KIR2DL1: variants seen among roughly 807,000 people sequenced by gnomAD.
KIR2DL1 encodes killer cell immunoglobulin like receptor, two Ig domains and long cytoplasmic tail 1, also known as killer cell immunoglobulin-like receptor 2DL1.
A neutral mutation model predicts 33.9 loss-of-function variants in KIR2DL1; 38 were observed. The observed-to-expected ratio is 1.12, with a 90% CI of 0.86 to 1.47. KIR2DL1 has a LOEUF of 1.47. Ranked by LOEUF, KIR2DL1 falls within the 40% of genes most tolerant of loss-of-function variation. The probability of loss-of-function intolerance (pLI) is 0.00; values close to 1 mark genes in which losing one functional copy is unlikely to be tolerated. For synonymous variants in KIR2DL1, 179 were observed against 165.9 expected (o/e 1.08, Z -0.61); for missense variants, 531 against 433.9 (o/e 1.22, Z -1.99).
At chr19:54,780,872 T>C (rs199725821) in intron 5 of KIR2DL1, among the ~76,000 whole-genome samples, 2,234 of 82,152 alleles carry the variant, frequency 0.027, 21 homozygotes, top group African/African-American at 0.053. Context: ...ATGAAGAGAC[T>C]TATTATAGCA....
intron 3 of KIR2DL1, among the ~76,000 whole-genome samples, chr19:54,774,370 A>C (rs888114479): frequency 3.4e-5 from 5 of 147,696 alleles, no homozygotes; most frequent in South Asian, 4.3e-4. Context: ...AGAATGATGG[A>C]AGGGAGCAGA....
At chr19:54,772,605 T>C (rs1180218487) in intron 2 of KIR2DL1, among the ~76,000 whole-genome samples, 1 of 145,986 alleles carries the variant, frequency 6.8e-6, no homozygotes, top group Non-Finnish European at 1.5e-5. Context: ...CTTGGGAGGC[T>C]GAGGGCAGGA....
chr19:54,782,876 G>A, intron 5 of KIR2DL1, 46 bp from the exon 6 acceptor site: 4 of 1,584,862 alleles, frequency 2.5e-6, no homozygotes, highest in Non-Finnish European at 3.5e-6. Flanking sequence ...TTCATAAAGA[G>A]GAACTGCTAA....
chr19:54,776,868 A>C (rs2076409990), intron 4 of KIR2DL1, among the ~76,000 whole-genome samples: 1 of 147,440 alleles, frequency 6.8e-6, no homozygotes, highest in African/African-American at 2.5e-5. Flanking sequence ...TCTCAAACTC[A>C]TGACCTCAAC....
intron 4 of KIR2DL1, among the ~76,000 whole-genome samples, chr19:54,778,068 C>G (rs1283972041): frequency 6.8e-6 from 1 of 146,928 alleles, no homozygotes; most frequent in African/African-American, 2.5e-5. Flanking sequence ...CAAGATTAGT[C>G]TGGCCAACGT....
rs113059775 is a variant in KIR2DL1 at position 54,775,044 on chromosome 19, G to A, written c.371-121G>A. On this transcript the variant is annotated intron_variant, in intron 3 of 7. Transcript: ENST00000336077. ...TAGACATGAAGAGCGATGGGGTAGAGGGTGAGAGAGAGAGAGAGAGAGCAT... is the reference window on the plus strand; with the variant it reads ...TAGACATGAAGAGCGATGGGGTAGAAGGTGAGAGAGAGAGAGAGAGAGCAT... 3.5e-3 allele frequency: 4,574 copies of A among 1,308,438 alleles called. 181 individuals carry two copies. In the African/African-American group the frequency reaches 0.063, roughly 18 times the overall value. 81.1% of individuals were successfully genotyped at this position (1,308,438 alleles called of 1,614,324 possible).
intron 6 of KIR2DL1, 114 bp from the exon 7 acceptor site, chr19:54,783,372 G>A (rs1269427517): frequency 2.1e-5 from 24 of 1,170,590 alleles, no homozygotes; most frequent in Non-Finnish European, 3.0e-5. Flanking sequence ...TCTGCTGTTG[G>A]CAACTGAGGG....
rs597681 is a variant in KIR2DL1, at chr19:54,778,656, A to T, written c.709A>T (p.Lys237Ter). 3 of 1,410,552 alleles carry T rather than the reference A, an allele frequency of 2.1e-6. No homozygotes were observed. In the South Asian group the frequency reaches 3.8e-5, roughly 18 times the overall value. 87.4% of individuals were successfully genotyped at this position (1,410,552 alleles called of 1,614,324 possible). Residue 237 changes from lysine (K) to a stop codon, truncating the protein, a stop_gained, in exon 5 of 8, where the codon AAA (lysine) becomes TAA (stop). Transcript: ENST00000336077. LOFTEE classifies it high-confidence loss of function. ...GCCTTCACCCACTGAACCAAGCTCC[A>T]AAACCGGTGAGTACAGAACCCTCTT... ...SWPSPTEPSS[K>*]TGNPRHLHIL...
rs1166670639 is a variant in KIR2DL1 at position 54,784,159 on chromosome 19, C to G, written c.*346C>G. On this transcript the variant is annotated 3_prime_UTR_variant, in exon 8 of 8. Transcript: ENST00000336077. ...CACAATTCCAAACATACAAGAGGCT[C>G]CCTCTTAACGCAGCACTTAGACACG... 8 of 486,384 alleles carry G rather than the reference C, an allele frequency of 1.6e-5. No individual in the cohort carries two copies. The highest frequency in any genetic ancestry group is 5.2e-4 in the Middle Eastern group (1 of 1,936). The allele number at this position is 486,384 out of a possible 1,614,324, so 30.1% of individuals were successfully genotyped here.
Position 54,773,517 on chromosome 19 carries a change from C to A in KIR2DL1, c.255C>A (p.Phe85Leu), listed in dbSNP as rs1185135843. Residue 85 changes from phenylalanine (F) to leucine (L), a missense_variant, in exon 3 of 8, where the codon TTC becomes TTA. Coordinates refer to ENST00000336077, the MANE Select transcript of KIR2DL1 (RefSeq NM_014218.3). Reference protein sequence around the residue: ...EHHDGVSKANFSISRMTQDLA... With the variant: ...EHHDGVSKANLSISRMTQDLA... ...ATGATGGGGTCTCCAAGGCCAACTT[C>A]TCCATCAGTCGCATGACGCAAGACC... The A allele has an allele frequency of 5.0e-6, 8 of 1,584,616 alleles. 1 individual carries two copies. The highest frequency in any genetic ancestry group is 6.1e-6 in the Non-Finnish European group (7 of 1,156,334).
Position 54,784,284 on chromosome 19 carries a change from T to G in KIR2DL1, c.*471T>G, listed in dbSNP as rs1381424962. 2 of 251,170 alleles carry G rather than the reference T, an allele frequency of 8.0e-6. No homozygotes were observed. Among genetic ancestry groups the G allele is most frequent in the Non-Finnish European group, 1.6e-5 (2 of 128,672 alleles). The allele number at this position is 251,170 out of a possible 1,614,324, so 15.6% of individuals were successfully genotyped here. A position where few individuals can be genotyped will look rare whatever the true frequency, so the allele number is the denominator to read the frequency against. On this transcript the variant is annotated 3_prime_UTR_variant, in exon 8 of 8. Transcript: ENST00000336077. ...TATATATTTTTTAAAATAACTTCAA[T>G]GTAGTTTTCCATCCTTCAAATAAAC... is the stretch of plus-strand genomic sequence containing the variant.
At chr19:54,776,581 T>A (rs2076368739) in intron 4 of KIR2DL1, among the ~76,000 whole-genome samples, 1 of 146,278 alleles carries the variant, frequency 6.8e-6, no homozygotes, top group Admixed American at 7.0e-5. Context: ...GTTGATTTAC[T>A]TTCCTTTGGA....
chr19:54,782,247 T>C (rs1289819844), intron 5 of KIR2DL1, among the ~76,000 whole-genome samples: 1 of 151,764 alleles, frequency 6.6e-6, no homozygotes, highest in Non-Finnish European at 1.5e-5. Flanking sequence ...CAGCCCAGGG[T>C]GTTCTGAGAC....
intron 4 of KIR2DL1, among the ~76,000 whole-genome samples, chr19:54,775,853 A>G (rs2076268248): frequency 1.3e-5 from 2 of 148,910 alleles, no homozygotes; most frequent in Non-Finnish European, 3.0e-5. Flanking sequence ...TCTTTGAAGA[A>G]ATATTTATTG....
intron 5 of KIR2DL1, among the ~76,000 whole-genome samples, chr19:54,779,732 C>T (rs2076747768): frequency 6.7e-6 from 1 of 149,366 alleles, no homozygotes; most frequent in African/African-American, 2.4e-5. Context: ...TGGGGTGGGA[C>T]AGCATTCTCC....
chr19:54,783,370 T>A, intron 6 of KIR2DL1, 116 bp from the exon 7 acceptor site: 1 of 1,130,850 alleles, frequency 8.8e-7, no homozygotes, highest in Admixed American at 2.1e-5. Flanking sequence ...AGTCTGCTGT[T>A]GGCAACTGAG....
At position 54,777,237 on chromosome 19, in the gene KIR2DL1, C is replaced by T. The variant is rs1256684544; in HGVS notation, c.665-1375C>T. On this transcript the variant is annotated intron_variant, in intron 4 of 7. Transcript: ENST00000336077. ...TCCCGAGTAGCTGGAATTACAGGCA[C>T]ACGCCACCACGCCCTACTAATTTTT... Among the ~76,000 whole-genome samples the T allele has an allele frequency of 1.3e-5, 2 of 149,456 alleles. 1 individual carries two copies. The highest frequency in any genetic ancestry group is 3.0e-5 in the Non-Finnish European group (2 of 66,856).
chr19:54,775,906 T>G (rs1166932235), intron 4 of KIR2DL1, among the ~76,000 whole-genome samples: 1 of 147,394 alleles, frequency 6.8e-6, no homozygotes, highest in Non-Finnish European at 1.5e-5. Context: ...TAACATTTTT[T>G]TTTGAGGTGG....
At chr19:54,772,628 C>T (rs1286230100) in intron 2 of KIR2DL1, among the ~76,000 whole-genome samples, 1 of 145,610 alleles carries the variant, frequency 6.9e-6, no homozygotes, top group Non-Finnish European at 1.5e-5. Flanking sequence ...ATCACTTGAA[C>T]CCAGGAGACA....
Sources: gnomAD v4.1 joint callset for allele counts (sites outside exome capture counted in the v4.1 genomes callset) on GRCh38, gnomAD v4.1.1 for gene constraint, MANE v1.5 for transcripts, NCBI Gene and HGNC (gene_info 2026-07-23, HGNC 2026-07-21) for gene names.